The following PRKG1 variants were observed in gnomAD, a reference collection of about 807,000 sequenced individuals.
The protein encoded by PRKG1 is cGMP-dependent protein kinase 1.
PRKG1 carries 35 observed loss-of-function variants against 88.1 expected under a neutral mutation model. That is an observed-to-expected ratio of 0.40 (90% CI 0.30 to 0.53). The LOEUF (loss-of-function observed/expected upper bound fraction) is 0.53, where lower values mean the gene tolerates loss of function less well. Among genes scored for constraint, PRKG1 ranks in the 20% least tolerant of loss-of-function variants. PRKG1 has a pLI of 0.59. For synonymous variants in PRKG1, 303 were observed against 292.5 expected (o/e 1.04, Z -0.37); for missense variants, 540 against 839.8 (o/e 0.64, Z 4.41).
rs190394141 is a variant in PRKG1, at chr10:51,020,291, G to A, written c.266+28647G>A. Among the ~76,000 whole-genome samples, 163 of 152,270 alleles carry A rather than the reference G, an allele frequency of 1.1e-3. 1 individual carries two copies. Among genetic ancestry groups the A allele is most frequent in the African/African-American group, 3.7e-3 (154 of 41,552 alleles). ...TTACAGGCATGTTGAGATTACAGGCGTGAGCCACTGAGCCTGGTCAATTTT... is the reference window on the plus strand; with the variant it reads ...TTACAGGCATGTTGAGATTACAGGCATGAGCCACTGAGCCTGGTCAATTTT... On this transcript the variant is annotated intron_variant, in intron 1 of 17. Coordinates refer to the PRKG1 transcript ENST00000401604.
chr10:51,828,735 TAGAC>T (rs1236421500), intron 4 of PRKG1, among the ~76,000 whole-genome samples: 40 of 152,256 alleles, frequency 2.6e-4, no homozygotes, highest in Admixed American at 2.0e-3. Context: ...ACTGGATAAA[TAGAC>T]AGATGATAAG....
chr10:52,191,062 A>G lies in PRKG1; in HGVS notation c.1076+29099A>G, dbSNP rs187262262. 2.2e-3 allele frequency among the ~76,000 whole-genome samples: 341 copies of G among 152,328 alleles called. 1 individual carries two copies. Among genetic ancestry groups the G allele is most frequent in the African/African-American group, 7.2e-3 (299 of 41,582 alleles). On this transcript the variant is annotated intron_variant, in intron 9 of 17. Coordinates refer to ENST00000373980, the MANE Select transcript of PRKG1 (RefSeq NM_006258.4). ...CTTTTAAAGTTGATTTGTTTGATTC[A>G]GGATCAAAAGAATCTGCATACACTG...
At chr10:51,172,709 GT>G (rs1333783262) in intron 2 of PRKG1, among the ~76,000 whole-genome samples, 1 of 151,220 alleles carries the variant, frequency 6.6e-6, no homozygotes, top group Non-Finnish European at 1.5e-5. Context: ...TGTATATTTT[GT>G]TAGGTCATCA....
intron 5 of PRKG1, among the ~76,000 whole-genome samples, chr10:51,979,410 G>GTTTTTT (rs61150252): frequency 0.025 from 1,157 of 47,032 alleles, 358 homozygotes; most frequent in Non-Finnish European, 0.032. Flanking sequence ...ATATTGGTCT[G>GTTTTTT]TTTTTTTTTT....
chr10:52,018,939 A>G (rs1349300098), intron 5 of PRKG1, among the ~76,000 whole-genome samples: 1 of 149,702 alleles, frequency 6.7e-6, no homozygotes, highest in African/African-American at 2.5e-5. Context: ...TCGTGTTGCT[A>G]AAAAGGAACA....
intron 4 of PRKG1, among the ~76,000 whole-genome samples, chr10:51,849,183 A>T (rs1042371111): frequency 6.6e-6 from 1 of 152,138 alleles, no homozygotes; most frequent in Non-Finnish European, 1.5e-5. Context: ...CCCATTCTTT[A>T]ACCCACCTCT....
At chr10:51,299,780 T>C (rs771055831) in intron 2 of PRKG1, 8 of 342,470 alleles carry the variant, frequency 2.3e-5, no homozygotes, top group Non-Finnish European at 5.5e-6. Context: ...GTGGCGTAAC[T>C]GCTCTGCAAT....
chr10:51,779,755 C>T (rs1356425087), intron 3 of PRKG1, among the ~76,000 whole-genome samples: 1 of 152,050 alleles, frequency 6.6e-6, no homozygotes, highest in Non-Finnish European at 1.5e-5. Flanking sequence ...TGTGACCTGG[C>T]TCTGCATTCT....
chr10:52,149,225 A>G (rs1284130289), intron 8 of PRKG1, among the ~76,000 whole-genome samples: 1 of 151,904 alleles, frequency 6.6e-6, no homozygotes, highest in Non-Finnish European at 1.5e-5. Flanking sequence ...ATGCAAATCT[A>G]TTTAATAAGA....
chr10:51,398,032 C>T (rs936070170), intron 2 of PRKG1, among the ~76,000 whole-genome samples: 7 of 152,236 alleles, frequency 4.6e-5, no homozygotes, highest in South Asian at 2.1e-4. Flanking sequence ...GCTTACCTTC[C>T]GCCACTCACC....
At chr10:52,038,758 G>A (rs1845681682) in intron 5 of PRKG1, among the ~76,000 whole-genome samples, 1 of 152,136 alleles carries the variant, frequency 6.6e-6, no homozygotes. Flanking sequence ...TCCCTGCAAT[G>A]ATAAAACACC....
intron 1 of PRKG1, among the ~76,000 whole-genome samples, chr10:51,137,437 T>A (rs1388428598): frequency 6.6e-6 from 1 of 152,164 alleles, no homozygotes; most frequent in East Asian, 1.9e-4. Flanking sequence ...TCTGTATTTT[T>A]AAAAATCTCC....
chr10:51,558,758 A>G (rs376344869), intron 3 of PRKG1, among the ~76,000 whole-genome samples: 2 of 152,166 alleles, frequency 1.3e-5, no homozygotes, highest in African/African-American at 4.8e-5. Context: ...AAGAAAGCAT[A>G]GTAATGGAAT....
At chr10:51,785,760 G>A (rs143817272) in intron 3 of PRKG1, among the ~76,000 whole-genome samples, 10 of 152,094 alleles carry the variant, frequency 6.6e-5, no homozygotes, top group Admixed American at 2.0e-4. Flanking sequence ...ATGGTCTCAC[G>A]CCATGTTTAA....
intron 1 of PRKG1, among the ~76,000 whole-genome samples, chr10:51,004,551 A>G (rs1842921950): frequency 6.6e-6 from 1 of 152,134 alleles, no homozygotes; most frequent in African/African-American, 2.4e-5. Flanking sequence ...CATTAAAGAC[A>G]GACAGAATTA....
intron 5 of PRKG1, among the ~76,000 whole-genome samples, chr10:52,011,197 C>T (rs908814842): frequency 3.9e-5 from 6 of 152,074 alleles, no homozygotes; most frequent in Non-Finnish European, 8.8e-5. Context: ...AACTTTTTTC[C>T]CTTTAAGTTT....
intron 3 of PRKG1, among the ~76,000 whole-genome samples, chr10:51,631,911 C>A (rs1260282614): frequency 6.6e-6 from 1 of 152,074 alleles, no homozygotes; most frequent in Non-Finnish European, 1.5e-5. Flanking sequence ...GAATAGAGGA[C>A]CCCTGCTGTA....
intron 3 of PRKG1, among the ~76,000 whole-genome samples, chr10:51,717,280 G>C (rs1841909332): frequency 6.6e-6 from 1 of 152,136 alleles, no homozygotes; most frequent in Non-Finnish European, 1.5e-5. Context: ...GTGTAGACAT[G>C]AGCTCTGAGT....
intron 2 of PRKG1, among the ~76,000 whole-genome samples, chr10:51,254,551 A>G (rs979710549): frequency 6.6e-6 from 1 of 151,978 alleles, no homozygotes; most frequent in Non-Finnish European, 1.5e-5. Flanking sequence ...CAATAACAAC[A>G]CCTTACATAG....
Sources: gnomAD v4.1 joint callset for allele counts (sites outside exome capture counted in the v4.1 genomes callset) on GRCh38, gnomAD v4.1.1 for gene constraint, MANE v1.5 for transcripts, NCBI Gene and HGNC (gene_info 2026-07-23, HGNC 2026-07-21) for gene names.